Variants in SOX5 observed in about 807,000 individuals in gnomAD.
SOX5 encodes transcription factor SOX-5.
A neutral mutation model predicts 92.0 loss-of-function variants in SOX5; 9 were observed. That is an observed-to-expected ratio of 0.10 (90% CI 0.06 to 0.17). The LOEUF (loss-of-function observed/expected upper bound fraction) is 0.17. SOX5 is among the 10% of genes least tolerant of loss of function. SOX5 has a pLI of 1.00. For missense variants in SOX5, 642 were observed against 944.5 expected (o/e 0.68, Z 4.20); for synonymous variants, 344 against 336.3 (o/e 1.02, Z -0.25).
chr12:23,920,107 T>C (rs1404827018), intron 1 of SOX5: 1 of 152,184 alleles, frequency 6.6e-6, no homozygotes, highest in Non-Finnish European at 1.5e-5. Context: ...TACTCACTTA[T>C]GGCATTTTCC....
chr12:24,498,560 C>T (rs1456618377), intron 1 of SOX5, among the ~76,000 whole-genome samples: 2 of 152,126 alleles, frequency 1.3e-5, no homozygotes, highest in African/African-American at 4.8e-5. Context: ...TTTTCAGGAT[C>T]CACTTACCTT....
intron 2 of SOX5, among the ~76,000 whole-genome samples, chr12:24,330,716 G>A (rs1028365982): frequency 6.6e-6 from 1 of 152,218 alleles, no homozygotes; most frequent in Admixed American, 6.5e-5. Flanking sequence ...ACAAGCATAT[G>A]TTTTGAATGA....
upstream of SOX5, among the ~76,000 whole-genome samples, chr12:23,951,534 C>CA (rs145309786): frequency 3.9e-5 from 6 of 152,150 alleles, no homozygotes; most frequent in Non-Finnish European, 7.4e-5. Flanking sequence ...AGAAAAAAAT[C>CA]AATTATGAAC....
chr12:24,237,521 TTAATTTG>T lies in SOX5; in HGVS notation c.-76-24111_-76-24105del, dbSNP rs72321632. 3.3e-3 allele frequency among the ~76,000 whole-genome samples: 504 copies of T among 152,214 alleles called. 18 individuals are homozygous for T. In the East Asian group the frequency reaches 0.082, roughly 25 times the overall value. ...CTAATTTTTAATTTTCTTCAAAAGT[TTAATTTG>T]TAATTTCCTTCAATCTAACCTAAAA... On this transcript the variant is annotated intron_variant, in intron 3 of 4. Coordinates refer to the SOX5 transcript ENST00000446891.
intron 4 of SOX5, among the ~76,000 whole-genome samples, chr12:24,118,891 C>T (rs1027593662): frequency 3.9e-5 from 6 of 152,084 alleles, no homozygotes; most frequent in African/African-American, 1.2e-4. Flanking sequence ...ACTGAGATTA[C>T]GCAAGTGAAA....
At chr12:23,631,655 A>T (rs2078556931) in intron 8 of SOX5, among the ~76,000 whole-genome samples, 1 of 152,092 alleles carries the variant, frequency 6.6e-6, no homozygotes, top group Non-Finnish European at 1.5e-5. Context: ...AAAACCTGGC[A>T]CTGACTGAAG....
intron 2 of SOX5, among the ~76,000 whole-genome samples, chr12:24,361,737 C>T (rs888077323): frequency 5.9e-5 from 9 of 152,078 alleles, no homozygotes; most frequent in Admixed American, 1.3e-4. Context: ...GAATTTTAAA[C>T]GATGGTTAAA....
intron 1 of SOX5, among the ~76,000 whole-genome samples, chr12:24,553,256 C>A (rs1055748034): frequency 2.6e-5 from 4 of 152,182 alleles, no homozygotes; most frequent in Admixed American, 2.0e-4. Context: ...CTGTCCCGCT[C>A]ACTAGAGCTG....
chr12:23,581,782 AGT>A (rs1208139766), intron 9 of SOX5, among the ~76,000 whole-genome samples: 2 of 152,124 alleles, frequency 1.3e-5, no homozygotes, highest in South Asian at 2.1e-4. Flanking sequence ...TTTAAGTGGA[AGT>A]GTGTGTGTGT....
At chr12:24,504,942 A>G (rs1218583287) in intron 1 of SOX5, among the ~76,000 whole-genome samples, 2 of 152,198 alleles carry the variant, frequency 1.3e-5, no homozygotes, top group Non-Finnish European at 2.9e-5. Context: ...TACCATATCT[A>G]TGTAAAGTAT....
chr12:23,550,699 G>T lies in SOX5; in HGVS notation c.1489-4275C>A, dbSNP rs142245375. On this transcript the variant is annotated intron_variant, in intron 11 of 14. Transcript: ENST00000451604. ...TTTTTTATTTCAATTTCATACTCAGGCATGATGAGTTACAGTTCCAGACTG... is the reference window on the plus strand; with the variant it reads ...TTTTTTATTTCAATTTCATACTCAGTCATGATGAGTTACAGTTCCAGACTG... Among the ~76,000 whole-genome samples the T allele has an allele frequency of 3.8e-3, 581 of 151,368 alleles. 5 individuals are homozygous for T. Among genetic ancestry groups the T allele is most frequent in the African/African-American group, 0.013 (550 of 41,260 alleles).
intron 4 of SOX5, among the ~76,000 whole-genome samples, chr12:23,963,995 A>C (rs769835514): frequency 2.6e-5 from 4 of 151,920 alleles, no homozygotes; most frequent in Admixed American, 1.3e-4. Flanking sequence ...AACCAACCAA[A>C]CAAAAAAAAA....
At chr12:24,020,213 G>A (rs538878572) in intron 4 of SOX5, among the ~76,000 whole-genome samples, 16 of 152,144 alleles carry the variant, frequency 1.1e-4, no homozygotes, top group Admixed American at 9.2e-4. Context: ...TTTGACTTGG[G>A]CCCCAACATT....
At chr12:24,071,775 G>A (rs1181667667) in intron 4 of SOX5, among the ~76,000 whole-genome samples, 1 of 152,050 alleles carries the variant, frequency 6.6e-6, no homozygotes, top group Non-Finnish European at 1.5e-5. Flanking sequence ...CATAACAGGT[G>A]GTCAATAAAT....
At chr12:24,553,682 C>T (rs553258580) in intron 1 of SOX5, among the ~76,000 whole-genome samples, 61 of 152,324 alleles carry the variant, frequency 4.0e-4, no homozygotes, top group African/African-American at 1.4e-3. Flanking sequence ...GAGTCCAACA[C>T]AAGGCAGAGT....
At chr12:24,207,810 C>A (rs1248960184) in intron 4 of SOX5, among the ~76,000 whole-genome samples, 2 of 152,174 alleles carry the variant, frequency 1.3e-5, no homozygotes, top group Non-Finnish European at 2.9e-5. Context: ...AAGGAGGCAA[C>A]TTTCAGCATC....
intron 6 of SOX5, among the ~76,000 whole-genome samples, chr12:23,682,360 A>C (rs1170822755): frequency 1.3e-5 from 2 of 151,852 alleles, no homozygotes; most frequent in Non-Finnish European, 3.0e-5. Flanking sequence ...ATATTTTAGA[A>C]GAGGCTGAAA....
intron 10 of SOX5, among the ~76,000 whole-genome samples, chr12:23,573,515 A>T (rs928447464): frequency 1.3e-5 from 2 of 152,146 alleles, no homozygotes; most frequent in Non-Finnish European, 1.5e-5. Flanking sequence ...CTTCACTCTT[A>T]TTCTAAAATA....
At chr12:23,979,683 C>T (rs1569368847) in intron 4 of SOX5, among the ~76,000 whole-genome samples, 1 of 114,474 alleles carries the variant, frequency 8.7e-6, no homozygotes, top group African/African-American at 3.1e-5. Flanking sequence ...TTCTTCCTTC[C>T]ATATATATAT....
Sources: gnomAD v4.1 joint callset for allele counts (sites outside exome capture counted in the v4.1 genomes callset) on GRCh38, gnomAD v4.1.1 for gene constraint, MANE v1.5 for transcripts, NCBI Gene and HGNC (gene_info 2026-07-23, HGNC 2026-07-21) for gene names.